TNRC6B: variants seen among roughly 807,000 people sequenced by gnomAD.
TNRC6B encodes the protein trinucleotide repeat-containing gene 6B protein.
A neutral mutation model predicts 203.6 loss-of-function variants in TNRC6B; 52 were observed. That is an observed-to-expected ratio of 0.26 (90% CI 0.20 to 0.32). The LOEUF (loss-of-function observed/expected upper bound fraction) is 0.32. Among genes scored for constraint, TNRC6B ranks in the 10% least tolerant of loss-of-function variants. TNRC6B has a pLI of 1.00. For missense variants in TNRC6B, 1,923 were observed against 2,286.2 expected (o/e 0.84, Z 3.24); for synonymous variants, 838 against 845.7 (o/e 0.99, Z 0.16).
chr22:40,152,903 C>T (rs887911533), intron 3 of TNRC6B, among the ~76,000 whole-genome samples: 4 of 151,888 alleles, frequency 2.6e-5, no homozygotes, highest in Non-Finnish European at 5.9e-5. Flanking sequence ...GAGTTCGAGA[C>T]CAGCCTGGCC....
At chr22:40,219,214 A>G (rs1473823348) in intron 1 of TNRC6B, among the ~76,000 whole-genome samples, 2 of 152,206 alleles carry the variant, frequency 1.3e-5, no homozygotes, top group Non-Finnish European at 2.9e-5. Flanking sequence ...CTCTGTATCT[A>G]TACCCAGGAC....
At chr22:40,230,749 A>G (rs898873499) in intron 1 of TNRC6B, among the ~76,000 whole-genome samples, 1 of 152,146 alleles carries the variant, frequency 6.6e-6, no homozygotes, top group African/African-American at 2.4e-5. Flanking sequence ...CTTTGAGTCC[A>G]ATATATCAGG....
At chr22:40,248,463 T>G (rs1056973115) in intron 2 of TNRC6B, among the ~76,000 whole-genome samples, 1 of 152,374 alleles carries the variant, frequency 6.6e-6, no homozygotes, top group East Asian at 1.9e-4. Context: ...TTAGAGAGTA[T>G]ATATTCCTCT....
intron 1 of TNRC6B, among the ~76,000 whole-genome samples, chr22:40,181,925 A>G (rs1308408918): frequency 6.1e-5 from 9 of 147,622 alleles, no homozygotes. Flanking sequence ...CAGCCTAGGA[A>G]ACAGCTAGAC....
chr22:40,281,467 T>G (rs1422970331), intron 11 of TNRC6B, among the ~76,000 whole-genome samples, 178 bp downstream of exon 11: 1 of 151,782 alleles, frequency 6.6e-6, no homozygotes, highest in Non-Finnish European at 1.5e-5. Context: ...CTTCATGTTT[T>G]TCAACACGGA....
intron 3 of TNRC6B, among the ~76,000 whole-genome samples, chr22:40,257,476 G>A (rs368048259): frequency 2.6e-5 from 4 of 152,322 alleles, no homozygotes; most frequent in East Asian, 1.9e-4. Flanking sequence ...CAGCACTTTG[G>A]GAGGCTGAGG....
intron 1 of TNRC6B, among the ~76,000 whole-genome samples, chr22:40,228,876 T>G (rs1313603601): frequency 6.6e-6 from 1 of 152,072 alleles, no homozygotes; most frequent in Non-Finnish European, 1.5e-5. Flanking sequence ...ACTCCTAATT[T>G]CAGGCTGTTG....
chr22:40,051,320 C>A (rs1036180984), intron 1 of TNRC6B, among the ~76,000 whole-genome samples: 1 of 152,202 alleles, frequency 6.6e-6, no homozygotes, highest in African/African-American at 2.4e-5. Context: ...GTGCTAAGCT[C>A]ACTAAGTCCC....
rs1277002942 is a variant in TNRC6B at position 40,326,343 on chromosome 22, T to C, written c.*3102T>C. The C allele has an allele frequency of 6.6e-6, 1 of 152,602 alleles. No homozygotes were observed. The highest frequency in any genetic ancestry group is 2.4e-5 in the African/African-American group (1 of 41,448). The allele number at this position is 152,602 out of a possible 1,614,324, so 9.5% of individuals were successfully genotyped here. A position where few individuals can be genotyped will look rare whatever the true frequency, so the allele number is the denominator to read the frequency against. Reference sequence around the variant, plus strand: ...TGTAAAAAGAAAAGTCTCCAAACATTATTGTCATACTGGGGATCACACATT... The same window carrying C: ...TGTAAAAAGAAAAGTCTCCAAACATCATTGTCATACTGGGGATCACACATT... On this transcript the variant is annotated 3_prime_UTR_variant, in exon 23 of 23. Transcript: ENST00000454349.
upstream of TNRC6B, among the ~76,000 whole-genome samples, chr22:40,173,794 T>TATATATATATATAAAA (rs201025367): frequency 3.2e-5 from 1 of 31,452 alleles, no homozygotes; most frequent in Non-Finnish European, 4.8e-5. Context: ...TATATATATA[T>TATATATATATATAAAA]TTTTTTTTTT....
At chr22:40,264,618 G>GC (rs2070444962) in intron 4 of TNRC6B, 70 bp from the exon 5 acceptor site, 2 of 1,467,708 alleles carry the variant, frequency 1.4e-6, no homozygotes, top group Non-Finnish European at 1.8e-6. Flanking sequence ...TCAAAGGAGA[G>GC]CCCCTTTGAG....
chr22:40,076,717 C>T (rs942320321), intron 1 of TNRC6B, among the ~76,000 whole-genome samples: 1 of 152,082 alleles, frequency 6.6e-6, no homozygotes, highest in Non-Finnish European at 1.5e-5. Context: ...TATTAAGAGA[C>T]TGAAAAAATG....
chr22:40,247,362 TCA>T (rs2070123113), intron 2 of TNRC6B, among the ~76,000 whole-genome samples: 1 of 152,174 alleles, frequency 6.6e-6, no homozygotes, highest in African/African-American at 2.4e-5. Flanking sequence ...GTCAAGGCAG[TCA>T]CACACAAGCC....
At chr22:40,272,108 C>T (rs529513175) in intron 6 of TNRC6B, among the ~76,000 whole-genome samples, 1 of 152,228 alleles carries the variant, frequency 6.6e-6, no homozygotes, top group South Asian at 2.1e-4. Context: ...AAAGCCTATG[C>T]TTGTATAATA....
At position 40,101,947 on chromosome 22, in the gene TNRC6B, T is replaced by G. The variant is rs189305225; in HGVS notation, c.-120-15108T>G. ...TAGATCTCTGCATTACCAAATACTT[T>G]CATGGCCGAGCCAGTGACCTACTTT... On this transcript the variant is annotated intron_variant, in intron 1 of 23. Transcript: ENST00000301923. Among the ~76,000 whole-genome samples the G allele has an allele frequency of 4.6e-3, 694 of 152,302 alleles. 8 individuals are homozygous for G. The highest frequency in any genetic ancestry group is 4.5e-3 in the Non-Finnish European group (304 of 68,024).
intron 12 of TNRC6B, among the ~76,000 whole-genome samples, chr22:40,294,858 CGT>C (rs1425496768): frequency 4.6e-5 from 7 of 152,226 alleles, no homozygotes; most frequent in Admixed American, 2.6e-4. Flanking sequence ...TTGTGGAGGA[CGT>C]GTTCCTCATG....
chr22:40,179,526 TG>T (rs2069106919), intron 1 of TNRC6B, among the ~76,000 whole-genome samples: 1 of 152,262 alleles, frequency 6.6e-6, no homozygotes, highest in Admixed American at 6.5e-5. Flanking sequence ...AATATGCAAA[TG>T]GGTTGAATTG....
intron 1 of TNRC6B, among the ~76,000 whole-genome samples, chr22:40,198,692 T>A (rs2069371240): frequency 6.6e-6 from 1 of 152,156 alleles, no homozygotes; most frequent in Admixed American, 6.5e-5. Flanking sequence ...AACCCTGTGA[T>A]GCTAGATCGG....
chr22:40,170,769 A>T (rs535061419), intron 4 of TNRC6B, among the ~76,000 whole-genome samples: 1 of 83,430 alleles, frequency 1.2e-5, no homozygotes, highest in Admixed American at 1.1e-4. Flanking sequence ...GTGTGTATAT[A>T]TACATATATG....
Sources: allele counts gnomAD v4.1 joint callset (sites outside exome capture counted in the v4.1 genomes callset), GRCh38; gene constraint gnomAD v4.1.1; transcripts MANE v1.5; gene names NCBI Gene and HGNC (gene_info 2026-07-23, HGNC 2026-07-21).